CENPQ: variants seen among roughly 807,000 people sequenced by gnomAD.
CENPQ encodes the protein chromosome 6 open reading frame 139.
A neutral mutation model predicts 36.6 loss-of-function variants in CENPQ; 27 were observed. That is an observed-to-expected ratio of 0.74 (90% CI 0.54 to 1.02). The LOEUF (loss-of-function observed/expected upper bound fraction) is 1.02. CENPQ is among the 50% of genes least tolerant of loss of function. The pLI, the probability that CENPQ is intolerant of heterozygous loss-of-function variation, is 0.00. For missense variants in CENPQ, 306 were observed against 301.8 expected (o/e 1.01, Z -0.10); for synonymous variants, 101 against 101.7 (o/e 0.99, Z 0.04).
rs551012028 is a variant in CENPQ at position 49,480,973 on chromosome 6, C to T, written c.370C>T (p.Leu124=). Residue 124 remains leucine, a synonymous_variant, in exon 6 of 9, where the codon CTG becomes TTG. Transcript: ENST00000335783. ...AAGATTGCTACAACAGTGTGAAACT[C>T]TGAAAGTCCCTCCCAAAAAGATGGA... ...KKRLLQQCET[L]KVPPKKMEDL... 9 of 1,604,788 alleles carry T rather than the reference C, an allele frequency of 5.6e-6. No homozygotes were observed. In the South Asian group the frequency reaches 1.0e-4, roughly 18 times the overall value.
intron 2 of CENPQ, 132 bp downstream of exon 2, chr6:49,470,410 T>C: frequency 2.0e-6 from 1 of 488,062 alleles, no homozygotes; most frequent in East Asian, 3.8e-5. Flanking sequence ...GAAACCATCC[T>C]GGCTAACATG....
At chr6:49,475,659 G>A (rs1381140600) in intron 5 of CENPQ, among the ~76,000 whole-genome samples, 14 of 152,164 alleles carry the variant, frequency 9.2e-5, no homozygotes. Context: ...TGACATGATT[G>A]TATATCTAGA....
intron 6 of CENPQ, among the ~76,000 whole-genome samples, chr6:49,482,903 G>A (rs1768476827): frequency 6.6e-6 from 1 of 152,202 alleles, no homozygotes; most frequent in Non-Finnish European, 1.5e-5. Flanking sequence ...CCTTCGCGGT[G>A]AGTGTTACAG....
At chr6:49,491,123 C>T (rs995469648) in intron 8 of CENPQ, among the ~76,000 whole-genome samples, 9 of 152,222 alleles carry the variant, frequency 5.9e-5, no homozygotes, top group Non-Finnish European at 1.0e-4. Flanking sequence ...TAAAATGAGG[C>T]ATCCTGGTAT....
At position 49,465,373 on chromosome 6, in the gene CENPQ, A is replaced by G. The variant is rs546175192; in HGVS notation, c.-19+1920A>G. 9.2e-5 allele frequency among the ~76,000 whole-genome samples: 14 copies of G among 152,340 alleles called. No homozygotes were observed. The South Asian group carries it at 1.5e-3, about 16-fold the overall frequency. On this transcript the variant is annotated intron_variant, in intron 1 of 8. Transcript: ENST00000335783. The stretch of plus-strand genomic sequence containing the variant: ...GCCCTAGGATATTTCAGAATGGTCA[A>G]TGAGCATTGGCTTCAAGTCACCACC...
rs371333104 is a variant in CENPQ, at chr6:49,483,789, G to A, written c.477+2709G>A. 3.3e-5 allele frequency among the ~76,000 whole-genome samples: 5 copies of A among 152,202 alleles called. No homozygotes were observed. In the East Asian group the frequency reaches 7.7e-4, roughly 24 times the overall value. ...CCGGGCGCAGCCCCGGTTCCCGCTC[G>A]CGCCTCTCCCTCCACACCTCCCTGC... On this transcript the variant is annotated intron_variant, in intron 6 of 8. Transcript: ENST00000335783.
intron 6 of CENPQ, among the ~76,000 whole-genome samples, chr6:49,484,795 G>A (rs1246797022): frequency 6.6e-6 from 1 of 152,048 alleles, no homozygotes; most frequent in Non-Finnish European, 1.5e-5. Flanking sequence ...CCATCCCAAG[G>A]TTCCTACTTT....
At chr6:49,465,156 A>G (rs1767971514) in intron 1 of CENPQ, among the ~76,000 whole-genome samples, 1 of 152,196 alleles carries the variant, frequency 6.6e-6, no homozygotes, top group South Asian at 2.1e-4. Flanking sequence ...GTACATCTCT[A>G]TCAGAGCTCT....
intron 5 of CENPQ, among the ~76,000 whole-genome samples, chr6:49,473,900 C>T (rs182323748): frequency 3.9e-5 from 6 of 152,094 alleles, no homozygotes; most frequent in Non-Finnish European, 8.8e-5. Flanking sequence ...TTTAAACCAA[C>T]AAAGATCAAA....
intron 1 of CENPQ, among the ~76,000 whole-genome samples, chr6:49,467,056 T>C (rs987637167): frequency 6.6e-6 from 1 of 152,200 alleles, no homozygotes; most frequent in African/African-American, 2.4e-5. Flanking sequence ...GACCCAAGCA[T>C]GCTGCTAAAC....
intron 3 of CENPQ, among the ~76,000 whole-genome samples, chr6:49,471,609 G>C (rs758800425): frequency 2.0e-5 from 3 of 152,000 alleles, no homozygotes; most frequent in Non-Finnish European, 4.4e-5. Flanking sequence ...ATGAGATCCA[G>C]TACTATTTCT....
chr6:49,463,780 T>G (rs1767926252), intron 1 of CENPQ, among the ~76,000 whole-genome samples: 1 of 151,956 alleles, frequency 6.6e-6, no homozygotes, highest in African/African-American at 2.4e-5. Context: ...TCTCCAGGAG[T>G]CCTACTCACT....
intron 1 of CENPQ, among the ~76,000 whole-genome samples, chr6:49,465,518 A>G (rs898627207): frequency 5.3e-5 from 8 of 152,226 alleles, no homozygotes; most frequent in Admixed American, 1.3e-4. Context: ...TTTTGTCTTC[A>G]TTGAAAATCT....
At position 49,468,246 on chromosome 6, in the gene CENPQ, G is replaced by T. The variant is rs561776702; in HGVS notation, c.-18-1913G>T. ...GGAGCTCAGCTAAGACTTTCCTGGG[G>T]TTTCAGTTCCTCTCGGTGTTGGCCT... is the stretch of plus-strand genomic sequence containing the variant. On this transcript the variant is annotated intron_variant, in intron 1 of 8. Transcript: ENST00000335783. 3.3e-5 allele frequency among the ~76,000 whole-genome samples: 5 copies of T among 151,958 alleles called. No homozygotes were observed. In the East Asian group the frequency reaches 7.8e-4, roughly 24 times the overall value.
intron 6 of CENPQ, among the ~76,000 whole-genome samples, chr6:49,481,850 A>C (rs1190877652): frequency 6.6e-6 from 1 of 151,882 alleles, no homozygotes; most frequent in Admixed American, 6.5e-5. Flanking sequence ...TGGGTGGTCG[A>C]TGGGACTGGG....
At chr6:49,487,266 C>G (rs1768608783) in intron 6 of CENPQ, among the ~76,000 whole-genome samples, 1 of 141,432 alleles carries the variant, frequency 7.1e-6, no homozygotes, top group African/African-American at 2.7e-5. Context: ...GAGAACAGCA[C>G]ATTCCCAGTA....
At chr6:49,491,980 G>A (rs1362486228) in intron 8 of CENPQ, among the ~76,000 whole-genome samples, 164 bp from the exon 9 acceptor site, 1 of 152,144 alleles carries the variant, frequency 6.6e-6, no homozygotes. Context: ...GAGCAGGATG[G>A]GGAGAGGGAG....
In CENPQ at chr6:49,481,075, C is replaced by A; in HGVS notation, c.472C>A (p.Leu158Ile). The A allele has an allele frequency of 6.3e-7, 1 of 1,598,550 alleles. No individual in the cohort carries two copies. The highest frequency in any genetic ancestry group is 8.5e-7 in the Non-Finnish European group (1 of 1,175,400). The change falls in exon 6 of 9, where the codon CTA becomes ATA. Residue 158 changes from leucine (L) to isoleucine (I), a missense_variant. Physicochemically the swap from Leu to Ile is conservative, Grantham distance 5. Coordinates refer to ENST00000335783, the MANE Select transcript of CENPQ (RefSeq NM_018132.4). ...DKANEEGLAL[L>I]QEEIDKMVET... ...AGCTAATGAAGAAGGTCTGGCATTA[C>A]TACAGGTATGAAATTTGAATAGGGA... is the stretch of plus-strand genomic sequence containing the variant.
chr6:49,488,704 A>G lies in CENPQ; in HGVS notation c.675+20A>G, dbSNP rs1768649704. 18 of 1,590,366 alleles carry G rather than the reference A, an allele frequency of 1.1e-5. No homozygotes were observed. Among genetic ancestry groups the G allele is most frequent in the Non-Finnish European group, 1.6e-5 (18 of 1,158,848 alleles). On this transcript the variant is annotated intron_variant, in intron 8 of 8. Coordinates refer to ENST00000335783, the MANE Select transcript of CENPQ (RefSeq NM_018132.4). ...CTTCAGGTAAGTGCCTATTTACCAT[A>G]TTGATTACAGGCATACTTTAGAGAT...
Sources: gnomAD v4.1 joint callset for allele counts (sites outside exome capture counted in the v4.1 genomes callset) on GRCh38, gnomAD v4.1.1 for gene constraint, MANE v1.5 for transcripts, NCBI Gene and HGNC (gene_info 2026-07-23, HGNC 2026-07-21) for gene names.